PRX: variants seen among roughly 807,000 people sequenced by gnomAD.
PRX encodes periaxin.
In PRX, 24 loss-of-function variants were observed where a neutral mutation model predicts 29.6. The ratio of observed to expected loss-of-function variants is 0.81; its 90% CI spans 0.59 to 1.14. The LOEUF is 1.14. Ranked by LOEUF, PRX falls within the 50% of genes most tolerant of loss-of-function variation. The pLI, the probability that PRX is intolerant of heterozygous loss-of-function variation, is 0.00. For missense variants in PRX, 1,838 were observed against 1,926.4 expected, an observed-to-expected ratio of 0.95 and a Z score of 0.86; for synonymous variants, 772 against 831.7, an observed-to-expected ratio of 0.93 and a Z score of 1.24.
intron 1 of PRX, among the ~76,000 whole-genome samples, chr19:40,410,426 C>T (rs2079553282): frequency 6.6e-6 from 1 of 152,148 alleles, no homozygotes; most frequent in East Asian, 1.9e-4. Context: ...GACATGGGGA[C>T]CCCTTAACAC....
intron 5 of PRX, among the ~76,000 whole-genome samples, chr19:40,399,820 A>G (rs560669779): frequency 3.3e-5 from 5 of 149,596 alleles, no homozygotes; most frequent in Non-Finnish European, 7.5e-5. Flanking sequence ...CTGATATTAC[A>G]GGCGTGAGCC....
At chr19:40,413,308 A>T (rs1470367702) in intron 1 of PRX, 30 bp downstream of exon 1, 1 of 152,302 alleles carries the variant, frequency 6.6e-6, no homozygotes, top group East Asian at 1.9e-4. Context: ...CAGCCTGGCC[A>T]GGGAAGGGAC....
At chr19:40,407,506 G>T in intron 4 of PRX, 1 of 295,794 alleles carries the variant, frequency 3.4e-6, no homozygotes, top group Non-Finnish European at 6.6e-6. Context: ...TTCCTATGTT[G>T]CCCAGGCTTG....
At position 40,398,048 on chromosome 19, in the gene PRX, T is replaced by C. The variant is rs796829955; in HGVS notation, c.382-78A>G. On this transcript the variant is annotated intron_variant, in intron 6 of 6. Coordinates refer to ENST00000324001, the MANE Select transcript of PRX (RefSeq NM_181882.3). The surrounding 1 kb of genome is among the most constrained non-coding windows in gnomAD (Gnocchi z 6.3). Reference sequence around the variant, plus strand: ...TGGACAGGAAGAGCCCCACCTGGTATTGGACCAGGCGGGGGATGTGCTGGG... The same window carrying C: ...TGGACAGGAAGAGCCCCACCTGGTACTGGACCAGGCGGGGGATGTGCTGGG... 2.0e-6 allele frequency: 3 copies of C among 1,524,958 alleles called. No homozygotes were observed. The highest frequency in any genetic ancestry group is 2.6e-6 in the Non-Finnish European group (3 of 1,135,086). 94.5% of individuals were successfully genotyped at this position (1,524,958 alleles called of 1,614,324 possible). A position where few individuals can be genotyped will look rare whatever the true frequency, so the allele number is the denominator to read the frequency against.
Position 40,397,455 on chromosome 19 carries a change from G to A in PRX, c.897C>T (p.Ala299=). 1.3e-6 allele frequency: 2 copies of A among 1,587,924 alleles called. No individual in the cohort carries two copies. The highest frequency in any genetic ancestry group is 1.7e-6 in the Non-Finnish European group (2 of 1,168,686). The part of the protein sequence containing the change: ...GIQVPQVELP[A]LPSLPTLPTL... ...TGGGCAGAGTGGGCAGTGAGGGCAA[G>A]GCAGGCAGCTCCACCTGGGGGACCT... is the stretch of plus-strand genomic sequence containing the variant. Residue 299 remains alanine, a synonymous_variant, in exon 7 of 7, where the codon GCC becomes GCT. Transcript: ENST00000324001.
intron 1 of PRX, among the ~76,000 whole-genome samples, chr19:40,409,837 C>G (rs2079550669): frequency 6.6e-6 from 1 of 152,182 alleles, no homozygotes; most frequent in Admixed American, 6.6e-5. Flanking sequence ...ACATGCTCCA[C>G]TGCACATGGC....
rs565167885 is a variant in PRX at position 40,395,060 on chromosome 19, C to T, written c.3292G>A (p.Glu1098Lys). 18 of 1,612,734 alleles carry T rather than the reference C, an allele frequency of 1.1e-5. No individual in the cohort carries two copies. Among genetic ancestry groups the T allele is most frequent in the South Asian group, 4.4e-5 (4 of 91,078 alleles). The change falls in exon 7 of 7, where the codon GAG becomes AAG. Residue 1098 changes from glutamate (E) to lysine (K), a missense_variant. By Grantham distance (56) the Glu-to-Lys change is moderately conservative. This residue lies in a region of PRX where 1,143 missense variants were observed against 1,193.0 expected (regional missense o/e 0.96). Transcript: ENST00000324001. ...ESTAVQLKIP[E>K]VELVTLGAQE... ...GCGCCCAGCGTGACCAGCTCCACCT[C>T]GGGGATCTTAAGCTGCACAGCGGTG...
rs974258185 is a variant in PRX, at chr19:40,397,578, G to A, written c.774C>T (p.Pro258=). ...VPQVSAPKAA[P]SAEAAGGFAL... ...CAAAGCCACCAGCTGCCTCTGCTGAGGGGGCAGCCTTGGGGGCTGAGACCT... is the reference window on the plus strand; with the variant it reads ...CAAAGCCACCAGCTGCCTCTGCTGAAGGGGCAGCCTTGGGGGCTGAGACCT... Residue 258 remains proline (P), a synonymous_variant, in exon 7 of 7, where the codon CCC becomes CCT. Coordinates refer to ENST00000324001, the MANE Select transcript of PRX (RefSeq NM_181882.3). 1 of 1,542,262 alleles carries A rather than the reference G, an allele frequency of 6.5e-7. No individual in the cohort carries two copies. The highest frequency in any genetic ancestry group is 1.9e-5 in the Admixed American group (1 of 51,348).
chr19:40,405,307 C>T (rs1168673395), intron 4 of PRX, among the ~76,000 whole-genome samples: 3 of 152,174 alleles, frequency 2.0e-5, no homozygotes, highest in African/African-American at 7.2e-5. Flanking sequence ...TAGGAAGAAT[C>T]TTGCCCTCTC....
In PRX at chr19:40,395,710, C is replaced by T. The variant is rs570264094; in HGVS notation, c.2642G>A (p.Arg881Gln). The change falls in exon 7 of 7, where the codon CGG (arginine) becomes CAG (glutamine). Residue 881 changes from arginine to glutamine, a missense_variant. Arg to Gln is a conservative substitution (Grantham distance 43). Transcript: ENST00000324001. ...TGCTGCCACCTCAGGGCCCTCCACC[C>T]GCTCTCCCTTGCCCATTTTAGCGGC... ...VPAAKMGKGE[R>Q]VEGPEVAAGV... 1.8e-5 allele frequency: 29 copies of T among 1,614,076 alleles called. No homozygotes were observed. Among genetic ancestry groups the T allele is most frequent in the African/African-American group, 2.7e-5 (2 of 75,026 alleles).
At position 40,393,837 on chromosome 19, in the gene PRX, GCCTCCCTGCCAGCCCTGGT is replaced by G; in HGVS notation, c.*110_*128del. On this transcript the variant is annotated 3_prime_UTR_variant, in exon 7 of 7. Transcript: ENST00000324001. ...ACTCCTGCCAGAGAGACAGGAGCAGGCCTCCCTGCCAGCCCTGGTCAGTCACCCACCTCCCGGCCCTCTT... is the reference window on the plus strand; with the variant it reads ...ACTCCTGCCAGAGAGACAGGAGCAGGCAGTCACCCACCTCCCGGCCCTCTT... 1.4e-6 allele frequency: 2 copies of G among 1,419,580 alleles called. No individual in the cohort carries two copies. Among genetic ancestry groups the G allele is most frequent in the Non-Finnish European group, 1.9e-6 (2 of 1,030,554 alleles). 87.9% of individuals were successfully genotyped at this position (1,419,580 alleles called of 1,614,324 possible). A position where few individuals can be genotyped will look rare whatever the true frequency, so the allele number is the denominator to read the frequency against.
At chr19:40,408,998 C>T (rs1599666764) in intron 1 of PRX, among the ~76,000 whole-genome samples, 1 of 151,910 alleles carries the variant, frequency 6.6e-6, no homozygotes, top group Non-Finnish European at 1.5e-5. Flanking sequence ...ACTACAGGTA[C>T]GCACCGCCAT....
rs1370586392 is a variant in PRX at position 40,397,481 on chromosome 19, G to C, written c.871C>G (p.Gln291Glu). ...PAVEAPAVGIQVPQVELPALP... is the reference protein window; with the variant it reads ...PAVEAPAVGIEVPQVELPALP... ...GCAGGCAGCTCCACCTGGGGGACCT[G>C]GATTCCCACGGCTGGGGCCTCCACA... is the stretch of plus-strand genomic sequence containing the variant. Residue 291 changes from glutamine to glutamate, a missense_variant, in exon 7 of 7, where the codon CAG (glutamine) becomes GAG (glutamate). By Grantham distance (29) the Gln-to-Glu change is conservative (BLOSUM62 2). Coordinates refer to ENST00000324001, the MANE Select transcript of PRX (RefSeq NM_181882.3). The C allele has an allele frequency of 1.9e-6, 3 of 1,564,896 alleles. No individual in the cohort carries two copies. The highest frequency in any genetic ancestry group is 2.6e-6 in the Non-Finnish European group (3 of 1,157,192).
At chr19:40,407,119 A>G (rs1196032296) in intron 4 of PRX, among the ~76,000 whole-genome samples, 1 of 151,752 alleles carries the variant, frequency 6.6e-6, no homozygotes, top group Non-Finnish European at 1.5e-5. Context: ...AAGAGGTGAG[A>G]TCATCTGCCC....
chr19:40,408,951 C>T (rs1394234589), intron 1 of PRX, among the ~76,000 whole-genome samples: 1 of 152,124 alleles, frequency 6.6e-6, no homozygotes, highest in Non-Finnish European at 1.5e-5. Context: ...CCGCCTCAGC[C>T]TCCCGAGTAG....
chr19:40,407,212 TTGTGTGTGTGTGTGTGTGTGTG>T (rs72256185), intron 4 of PRX, among the ~76,000 whole-genome samples: 1 of 133,844 alleles, frequency 7.5e-6, no homozygotes, highest in African/African-American at 2.8e-5. Context: ...TTATATGCCC[TTGTGTGTGTGTGTGTGTGTGTG>T]TGTGTGTGTG....
Position 40,397,088 on chromosome 19 carries a change from T to C in PRX, c.1264A>G (p.Met422Val), listed in dbSNP as rs1395778353. ...GACACTCCGATGCCAAGGGAGGGCA[T>C]CTTGATGGTGGGCAGCTTCAGCTTG... ...ESKLKLPTIK[M>V]PSLGIGVSGP... The change falls in exon 7 of 7, where the codon ATG (methionine) becomes GTG (valine). Residue 422 changes from methionine to valine, a missense_variant. By Grantham distance (21) the Met-to-Val change is conservative (BLOSUM62 1). Transcript: ENST00000324001. The C allele has an allele frequency of 6.2e-7, 1 of 1,614,068 alleles. No individual in the cohort carries two copies. The highest frequency in any genetic ancestry group is 1.1e-5 in the South Asian group (1 of 91,088).
Position 40,398,389 on chromosome 19 carries a change from A to G in PRX, c.381+231T>C. 3 of 1,451,840 alleles carry G rather than the reference A, an allele frequency of 2.1e-6. No individual in the cohort carries two copies. The East Asian group carries it at 7.3e-5, about 35-fold the overall frequency. The allele number at this position is 1,451,840 out of a possible 1,614,324, so 89.9% of individuals were successfully genotyped here. On this transcript the variant is annotated intron_variant, in intron 6 of 6. Transcript: ENST00000324001. The surrounding 1 kb of genome is among the most constrained non-coding windows in gnomAD (Gnocchi z 6.3). Reference sequence around the variant, plus strand: ...AGGACCCCTAGCAAGCCTGGATCCGATGGTGGGGACGCCTCTCCGAGGTGG... The same window carrying G: ...AGGACCCCTAGCAAGCCTGGATCCGGTGGTGGGGACGCCTCTCCGAGGTGG...
At chr19:40,405,776 T>A (rs1315321652) in intron 4 of PRX, among the ~76,000 whole-genome samples, 4 of 150,710 alleles carry the variant, frequency 2.7e-5, no homozygotes, top group African/African-American at 7.3e-5. Flanking sequence ...GTAGCTGGGA[T>A]TACAGGTGCA....
Sources: gnomAD v4.1 joint callset for allele counts (sites outside exome capture counted in the v4.1 genomes callset) on GRCh38, gnomAD v4.1.1 for gene constraint, gnomAD v4.1.1 regional missense constraint, Gnocchi (gnomAD v3.1) non-coding constraint, MANE v1.5 for transcripts, NCBI Gene and HGNC (gene_info 2026-07-23, HGNC 2026-07-21) for gene names.